The following DCC variants were observed in gnomAD, a reference collection of about 807,000 sequenced individuals.
DCC encodes DCC netrin 1 receptor.
A neutral mutation model predicts 172.5 loss-of-function variants in DCC; 58 were observed. The ratio of observed to expected loss-of-function variants is 0.34; its 90% CI spans 0.27 to 0.42. The LOEUF (loss-of-function observed/expected upper bound fraction) is 0.42. DCC is among the 10% of genes least tolerant of loss of function. The pLI, the probability that DCC is intolerant of heterozygous loss-of-function variation, is 1.00. For missense variants in DCC, 1,740 were observed against 1,791.0 expected (o/e 0.97, Z 0.51); for synonymous variants, 709 against 644.5 (o/e 1.10, Z -1.52).
At chr18:53,047,511 T>A (rs1157594057) in intron 5 of DCC, among the ~76,000 whole-genome samples, 1 of 132,700 alleles carries the variant, frequency 7.5e-6, no homozygotes, top group Admixed American at 7.8e-5. Context: ...TGAGAAGTCA[T>A]ATATACTTGC....
intron 15 of DCC, among the ~76,000 whole-genome samples, chr18:53,359,964 CCTT>C (rs2057927077): frequency 6.6e-6 from 1 of 152,036 alleles, no homozygotes; most frequent in Admixed American, 6.6e-5. Flanking sequence ...AATCCTGTTC[CCTT>C]CTTAGGACTA....
intron 1 of DCC, among the ~76,000 whole-genome samples, chr18:52,516,638 A>G (rs1228472): frequency 0.3 from 46,297 of 152,180 alleles, 7,180 homozygotes; most frequent in Middle Eastern, 0.33. Context: ...TATAGTATTA[A>G]TGATAATGGC....
chr18:53,052,761 T>G (rs1288385330), intron 5 of DCC, among the ~76,000 whole-genome samples: 2 of 152,084 alleles, frequency 1.3e-5, no homozygotes, highest in African/African-American at 4.8e-5. Flanking sequence ...TAGCTGTTCA[T>G]TTCATTGATG....
chr18:52,794,310 G>A (rs756292215), intron 2 of DCC, among the ~76,000 whole-genome samples: 16 of 151,948 alleles, frequency 1.1e-4, no homozygotes, highest in African/African-American at 2.2e-4. Context: ...ATGTGTTTAC[G>A]TTTGCTTGTG....
At chr18:53,183,329 C>T (rs1889796204) in intron 9 of DCC, among the ~76,000 whole-genome samples, 1 of 152,118 alleles carries the variant, frequency 6.6e-6, no homozygotes, top group African/African-American at 2.4e-5. Flanking sequence ...TTTGTGTCCT[C>T]TGATGGTATC....
At chr18:53,261,677 A>T (rs1156525850) in intron 12 of DCC, among the ~76,000 whole-genome samples, 1 of 151,972 alleles carries the variant, frequency 6.6e-6, no homozygotes, top group Non-Finnish European at 1.5e-5. Flanking sequence ...ATACCCGGCT[A>T]ATTTTTTGTA....
chr18:52,510,320 TTC>T (rs894311475), intron 1 of DCC, among the ~76,000 whole-genome samples: 1 of 152,186 alleles, frequency 6.6e-6, no homozygotes, highest in African/African-American at 2.4e-5. Flanking sequence ...CTGGCCTTGC[TTC>T]TCTGCATTCC....
chr18:52,939,386 T>C (rs369793447), intron 5 of DCC, among the ~76,000 whole-genome samples: 2 of 152,216 alleles, frequency 1.3e-5, no homozygotes, highest in African/African-American at 4.8e-5. Flanking sequence ...GTATAACTTA[T>C]CACAGTCTGT....
At chr18:53,266,045 C>T (rs1394985375) in intron 12 of DCC, among the ~76,000 whole-genome samples, 1 of 152,172 alleles carries the variant, frequency 6.6e-6, no homozygotes, top group Non-Finnish European at 1.5e-5. Context: ...CTTGTTTATG[C>T]CCTTTCCTGC....
rs772025747 is a variant in DCC, at chr18:52,752,366, C to A, written c.404C>A (p.Ala135Glu). Residue 135 changes from alanine (A) to glutamate (E), a missense_variant, in exon 2 of 29, where the codon GCA becomes GAA. This residue lies in a region of DCC where 1,732 missense variants were observed against 1,767.4 expected (regional missense o/e 0.98). Transcript: ENST00000442544. ...ATTATTAGTCGGACAGCAAAAGTTG[C>A]AGTAGCAGGTAGGTGGATTCTTCCT... ...GSIISRTAKVAVAGPLRFLSQ... is the reference protein window; with the variant it reads ...GSIISRTAKVEVAGPLRFLSQ... 15 of 1,613,426 alleles carry A rather than the reference C, an allele frequency of 9.3e-6. No individual in the cohort carries two copies. The South Asian group carries it at 1.5e-4, about 17-fold the overall frequency.
chr18:52,544,210 A>G (rs1002058129), intron 1 of DCC, among the ~76,000 whole-genome samples: 7 of 152,002 alleles, frequency 4.6e-5, no homozygotes, highest in African/African-American at 1.7e-4. Flanking sequence ...TTTCCTTTTT[A>G]TTTTGCCAAG....
At chr18:52,946,472 T>A (rs1406640631) in intron 5 of DCC, among the ~76,000 whole-genome samples, 2 of 152,128 alleles carry the variant, frequency 1.3e-5, no homozygotes, top group African/African-American at 4.8e-5. Context: ...AATGACATTT[T>A]TTTTTTCTCA....
chr18:53,395,348 G>A (rs547938980), intron 17 of DCC, among the ~76,000 whole-genome samples: 1 of 152,218 alleles, frequency 6.6e-6, no homozygotes, highest in Admixed American at 6.5e-5. Flanking sequence ...ACACAAAGAC[G>A]ATCTTACTTG....
intron 5 of DCC, among the ~76,000 whole-genome samples, chr18:53,052,566 T>C (rs1044409300): frequency 6.6e-6 from 1 of 152,142 alleles, no homozygotes; most frequent in African/African-American, 2.4e-5. Context: ...CTTCTTGGGA[T>C]CCCTTAAGCT....
chr18:53,278,687 A>G (rs1000537742), intron 12 of DCC, among the ~76,000 whole-genome samples: 16 of 152,242 alleles, frequency 1.1e-4, no homozygotes, highest in Admixed American at 6.6e-4. Context: ...TGAGAATTCA[A>G]TTTTTGACTC....
At position 53,322,113 on chromosome 18, in the gene DCC, C is replaced by T. The variant is rs779372578; in HGVS notation, c.2120C>T (p.Pro707Leu). The change falls in exon 14 of 29, where the codon CCT becomes CTT. Residue 707 changes from proline to leucine, a missense_variant. Transcript: ENST00000442544. Reference protein sequence around the residue: ...SAMTVNGTGPPSNWYTAETPE... With the variant: ...SAMTVNGTGPLSNWYTAETPE... ...ATGACAGTCAATGGTACTGGACCAC[C>T]TTCCAACTGGTATACTGCAGAGACT... 1.2e-6 allele frequency: 2 copies of T among 1,605,500 alleles called. No homozygotes were observed. The highest frequency in any genetic ancestry group is 1.7e-6 in the Non-Finnish European group (2 of 1,172,146).
At chr18:53,094,758 T>G (rs944317377) in intron 7 of DCC, among the ~76,000 whole-genome samples, 1 of 152,176 alleles carries the variant, frequency 6.6e-6, no homozygotes, top group Non-Finnish European at 1.5e-5. Flanking sequence ...ATTTATTAGT[T>G]TTGCCTTGGG....
chr18:53,424,818 G>C (rs1452755859), intron 21 of DCC, among the ~76,000 whole-genome samples: 1 of 152,158 alleles, frequency 6.6e-6, no homozygotes. Context: ...TTATGGCAGA[G>C]ACCTATGTTG....
intron 1 of DCC, among the ~76,000 whole-genome samples, chr18:52,537,224 G>GAAAT (rs1421055672): frequency 6.6e-6 from 1 of 151,958 alleles, no homozygotes; most frequent in Non-Finnish European, 1.5e-5. Flanking sequence ...TTTGCTTCAG[G>GAAAT]AAATAAATAA....
Sources: allele counts gnomAD v4.1 joint callset (sites outside exome capture counted in the v4.1 genomes callset), GRCh38; gene constraint gnomAD v4.1.1; regional missense constraint gnomAD v4.1.1; transcripts MANE v1.5; gene names NCBI Gene and HGNC (gene_info 2026-07-23, HGNC 2026-07-21).